The following PLEKHA7 variants were observed in gnomAD, a reference collection of about 807,000 sequenced individuals.
PLEKHA7 encodes the protein pleckstrin homology domain containing A7.
In PLEKHA7, 104 loss-of-function variants were observed where a neutral mutation model predicts 170.0. The observed-to-expected ratio is 0.61, with a 90% CI of 0.52 to 0.72. The LOEUF is 0.72. PLEKHA7 is among the 30% of genes least tolerant of loss of function. PLEKHA7 has a pLI of 0.00. For synonymous variants in PLEKHA7, 648 were observed against 660.8 expected (o/e 0.98, Z 0.30); for missense variants, 1,615 against 1,671.7 (o/e 0.97, Z 0.59).
At chr11:16,830,454 G>C (rs755368304) in intron 9 of PLEKHA7, among the ~76,000 whole-genome samples, 8 of 152,232 alleles carry the variant, frequency 5.3e-5, no homozygotes, top group Non-Finnish European at 8.8e-5. Context: ...ATATTTCTAA[G>C]TGGTTACTCC....
At chr11:16,980,926 G>A (rs1863389872) in intron 3 of PLEKHA7, among the ~76,000 whole-genome samples, 1 of 152,010 alleles carries the variant, frequency 6.6e-6, no homozygotes, top group Non-Finnish European at 1.5e-5. Context: ...GCCCAATGAT[G>A]AAGGGTCTCA....
chr11:16,866,711 C>T (rs566938883), intron 4 of PLEKHA7, among the ~76,000 whole-genome samples: 3 of 152,338 alleles, frequency 2.0e-5, no homozygotes, highest in Admixed American at 6.5e-5. Flanking sequence ...GTTGTTACTA[C>T]AGCAGACACT....
At chr11:16,946,197 T>C (rs1250465914) in intron 3 of PLEKHA7, among the ~76,000 whole-genome samples, 1 of 152,154 alleles carries the variant, frequency 6.6e-6, no homozygotes, top group East Asian at 1.9e-4. Context: ...GACCTAAAGG[T>C]GGGCAATGCT....
At chr11:16,888,364 C>T (rs564820308) in intron 3 of PLEKHA7, among the ~76,000 whole-genome samples, 18 of 152,236 alleles carry the variant, frequency 1.2e-4, no homozygotes, top group African/African-American at 3.1e-4. Context: ...TCATTGAGAG[C>T]GGGCCAATGA....
At chr11:16,843,120 A>T (rs1406969377) in intron 8 of PLEKHA7, among the ~76,000 whole-genome samples, 1 of 152,250 alleles carries the variant, frequency 6.6e-6, no homozygotes, top group Non-Finnish European at 1.5e-5. Flanking sequence ...CACATAGTAG[A>T]TGCTCAATAA....
intron 3 of PLEKHA7, among the ~76,000 whole-genome samples, chr11:16,952,856 T>G (rs1035347640): frequency 1.3e-5 from 2 of 152,252 alleles, no homozygotes; most frequent in Non-Finnish European, 2.9e-5. Context: ...ATTTCTTGAC[T>G]TTAAAAACAC....
chr11:16,779,517 C>A (rs982183542), intron 26 of PLEKHA7, among the ~76,000 whole-genome samples: 7 of 152,202 alleles, frequency 4.6e-5, no homozygotes, highest in Non-Finnish European at 1.0e-4. Context: ...TGTGACTGAG[C>A]GCTGTTACTG....
intron 5 of PLEKHA7, 122 bp from the exon 6 acceptor site, chr11:16,855,115 A>G: frequency 2.7e-6 from 2 of 747,206 alleles, no homozygotes; most frequent in Non-Finnish European, 4.6e-6. Context: ...CCCTTTGATC[A>G]AATGAACAGC....
chr11:16,833,130 T>C (rs762341830), intron 9 of PLEKHA7, among the ~76,000 whole-genome samples: 4 of 152,146 alleles, frequency 2.6e-5, no homozygotes, highest in Non-Finnish European at 4.4e-5. Flanking sequence ...GCAGCTCCCT[T>C]GGGATGGAGG....
chr11:16,888,334 T>C (rs1363568634), intron 3 of PLEKHA7, among the ~76,000 whole-genome samples: 1 of 12,090 alleles, frequency 8.3e-5, no homozygotes, highest in Non-Finnish European at 2.5e-4. Flanking sequence ...GCACCCCGTC[T>C]GGGAGGTGTA....
intron 3 of PLEKHA7, among the ~76,000 whole-genome samples, chr11:16,999,138 C>A (rs1409509152): frequency 6.6e-6 from 1 of 152,100 alleles, no homozygotes; most frequent in African/African-American, 2.4e-5. Flanking sequence ...TGGCCCTGCC[C>A]CATTCCCCCA....
intron 5 of PLEKHA7, 200 bp downstream of exon 5, chr11:16,855,603 G>C: frequency 3.4e-6 from 2 of 585,338 alleles, no homozygotes; most frequent in South Asian, 4.2e-5. Flanking sequence ...CCAGTGCTGG[G>C]TCTGTCAGCA....
At chr11:16,989,782 C>T (rs568004858) in intron 3 of PLEKHA7, among the ~76,000 whole-genome samples, 2 of 152,310 alleles carry the variant, frequency 1.3e-5, no homozygotes, top group South Asian at 2.1e-4. Flanking sequence ...AAGACAGGTG[C>T]CTCTTTTGGC....
chr11:16,788,123 A>T (rs1281795153), intron 23 of PLEKHA7: 1 of 152,512 alleles, frequency 6.6e-6, no homozygotes, highest in Non-Finnish European at 1.5e-5. Context: ...TAAATTAATA[A>T]TGCCCAGACC....
chr11:16,779,980 AGG>A (rs11359003), intron 26 of PLEKHA7, among the ~76,000 whole-genome samples: 11,383 of 136,310 alleles, frequency 0.084, 596 homozygotes, highest in Non-Finnish European at 0.11. Flanking sequence ...TAAAACGGGG[AGG>A]GGGGGGGGAA....
At chr11:16,963,578 G>GC (rs1862195820) in intron 3 of PLEKHA7, among the ~76,000 whole-genome samples, 1 of 152,126 alleles carries the variant, frequency 6.6e-6, no homozygotes, top group South Asian at 2.1e-4. Context: ...AGCTGACTGG[G>GC]GAGAGGGGCA....
At chr11:16,929,814 C>T (rs559499604) in intron 3 of PLEKHA7, among the ~76,000 whole-genome samples, 1 of 151,962 alleles carries the variant, frequency 6.6e-6, no homozygotes, top group East Asian at 1.9e-4. Context: ...ACCATCCTGG[C>T]CAACATGGTG....
chr11:16,908,493 T>A (rs944525592), intron 3 of PLEKHA7, among the ~76,000 whole-genome samples: 1 of 135,734 alleles, frequency 7.4e-6, no homozygotes, highest in Non-Finnish European at 1.5e-5. Flanking sequence ...AGAAAATAAT[T>A]TTTTTTTCTT....
chr11:16,846,775 A>G (rs887064550), intron 8 of PLEKHA7, among the ~76,000 whole-genome samples: 2 of 152,140 alleles, frequency 1.3e-5, no homozygotes, highest in African/African-American at 2.4e-5. Context: ...TGAACCCACC[A>G]TATCTTGGGA....
Sources: gnomAD v4.1 joint callset for allele counts (sites outside exome capture counted in the v4.1 genomes callset) on GRCh38, gnomAD v4.1.1 for gene constraint, MANE v1.5 for transcripts, NCBI Gene and HGNC (gene_info 2026-07-23, HGNC 2026-07-21) for gene names.